LYRM4: variants seen among roughly 807,000 people sequenced by gnomAD.
LYRM4 encodes the protein LYR motif-containing protein 4.
In LYRM4, 9 loss-of-function variants were observed where a neutral mutation model predicts 11.7. That is an observed-to-expected ratio of 0.77 (90% CI 0.46 to 1.34). The LOEUF (loss-of-function observed/expected upper bound fraction) is 1.34, where lower values mean the gene tolerates loss of function less well. LYRM4 is among the 40% of genes most tolerant of loss of function. LYRM4 has a pLI of 0.00. For missense variants in LYRM4, 133 were observed against 112.5 expected, an observed-to-expected ratio of 1.18 and a Z score of -0.82; for synonymous variants, 42 against 40.4, an observed-to-expected ratio of 1.04 and a Z score of -0.15.
At chr6:5,153,123 G>A (rs1758189983) in intron 2 of LYRM4, among the ~76,000 whole-genome samples, 1 of 152,006 alleles carries the variant, frequency 6.6e-6, no homozygotes, top group African/African-American at 2.4e-5. Context: ...TGTGAGAGAG[G>A]GTCTCGTTCT....
intron 2 of LYRM4, among the ~76,000 whole-genome samples, chr6:5,196,765 C>G (rs1761078645): frequency 6.6e-6 from 1 of 152,142 alleles, no homozygotes; most frequent in Non-Finnish European, 1.5e-5. Flanking sequence ...GACAGTGACT[C>G]AATTCTTTTG....
intron 2 of LYRM4, among the ~76,000 whole-genome samples, chr6:5,152,577 C>G (rs183985994): frequency 6.6e-6 from 1 of 152,322 alleles, no homozygotes; most frequent in Non-Finnish European, 1.5e-5. Context: ...GCCCCAGCTG[C>G]GTGTCTGTCT....
the LYRM4 span, chr6:5,085,600 G>A: frequency 5.8e-6 from 9 of 1,546,834 alleles, no homozygotes; most frequent in Non-Finnish European, 7.0e-6. Context: ...GCAGGGTGGC[G>A]GCGACGGCGG....
chr6:5,230,110 C>A (rs1453589357), intron 1 of LYRM4, among the ~76,000 whole-genome samples: 1 of 152,204 alleles, frequency 6.6e-6, no homozygotes, highest in African/African-American at 2.4e-5. Flanking sequence ...GCCGCGAGGT[C>A]TCTGGCTCCT....
At chr6:5,259,096 G>A (rs1451120182) in intron 1 of LYRM4, among the ~76,000 whole-genome samples, 1 of 152,034 alleles carries the variant, frequency 6.6e-6, no homozygotes, top group Non-Finnish European at 1.5e-5. Context: ...GTTAGTCTTC[G>A]AGGGCTCCAC....
the LYRM4 span, among the ~76,000 whole-genome samples, chr6:5,093,698 C>T: frequency 6.6e-6 from 1 of 152,342 alleles, no homozygotes; most frequent in East Asian, 1.9e-4. Context: ...TGTAGGCACA[C>T]GCATGAGAGG....
rs1762291641 is a variant in LYRM4, at chr6:5,216,714, T to C, written c.111A>G (p.Arg37=). ...CATTTTTATTTTCTCTGAAGGCATC[T>C]CTTATCCTCCTGACAGCATATGTTC... ...NYRTYAVRRI[R]DAFRENKNVK... is the part of the protein sequence containing the mutation. Residue 37 remains arginine, a synonymous_variant, in exon 2 of 3, where the codon AGA becomes AGG. Coordinates refer to ENST00000330636, the MANE Select transcript of LYRM4 (RefSeq NM_020408.6). 6.2e-7 allele frequency: 1 copy of C among 1,613,576 alleles called. No homozygotes were observed. Among genetic ancestry groups the C allele is most frequent in the Non-Finnish European group, 8.5e-7 (1 of 1,179,982 alleles).
chr6:5,146,672 C>A (rs777888927), intron 2 of LYRM4, among the ~76,000 whole-genome samples: 1 of 152,202 alleles, frequency 6.6e-6, no homozygotes, highest in Non-Finnish European at 1.5e-5. Flanking sequence ...GCTACCTGTC[C>A]AGTGAACAGC....
chr6:5,199,734 C>T (rs1213446219), intron 2 of LYRM4, among the ~76,000 whole-genome samples: 1 of 152,210 alleles, frequency 6.6e-6, no homozygotes, highest in African/African-American at 2.4e-5. Context: ...GTGTTCTGGT[C>T]TGGCCAACCC....
At chr6:5,260,618 G>T (rs755274371) in intron 1 of LYRM4, 30 bp downstream of exon 1, 3 of 677,712 alleles carry the variant, frequency 4.4e-6, no homozygotes, top group Non-Finnish European at 6.3e-6. Flanking sequence ...CTGGCCCCCC[G>T]CCCCCGGCCC....
chr6:5,188,691 A>C (rs1463334493), intron 2 of LYRM4, among the ~76,000 whole-genome samples: 3 of 152,190 alleles, frequency 2.0e-5, no homozygotes, highest in African/African-American at 7.2e-5. Flanking sequence ...TGGAGGATTA[A>C]ATGAGACAGT....
At chr6:5,243,514 A>G in intron 1 of LYRM4, among the ~76,000 whole-genome samples, 1 of 152,218 alleles carries the variant, frequency 6.6e-6, no homozygotes, top group East Asian at 1.9e-4. Flanking sequence ...GAAAAAATGG[A>G]GGATACAATA....
intron 2 of LYRM4, among the ~76,000 whole-genome samples, chr6:5,140,750 T>C (rs1164124738): frequency 2.6e-5 from 4 of 152,188 alleles, no homozygotes; most frequent in Admixed American, 2.0e-4. Context: ...TGAAAAATGG[T>C]TAAGAAGGTA....
chr6:5,043,562 C>CTATA, the LYRM4 span: 2 of 152,146 alleles, frequency 1.3e-5, no homozygotes, highest in African/African-American at 4.8e-5. Flanking sequence ...TTTCTGGCGT[C>CTATA]TATAAAGTCG....
chr6:5,062,302 TTAATTAATA>T, the LYRM4 span, among the ~76,000 whole-genome samples: 5 of 135,848 alleles, frequency 3.7e-5, no homozygotes, highest in African/African-American at 1.5e-4. Context: ...ATAATACATA[TTAATTAATA>T]TATTTATAAC....
At chr6:5,143,765 TACCAGA>T (rs1757542367) in intron 2 of LYRM4, among the ~76,000 whole-genome samples, 1 of 151,386 alleles carries the variant, frequency 6.6e-6, no homozygotes, top group Admixed American at 6.6e-5. Flanking sequence ...GAACAAAAAA[TACCAGA>T]GCAAGAATTA....
At chr6:5,242,879 T>C (rs1763967461) in intron 1 of LYRM4, among the ~76,000 whole-genome samples, 1 of 149,874 alleles carries the variant, frequency 6.7e-6, no homozygotes, top group Non-Finnish European at 1.5e-5. Flanking sequence ...GTTCACGCCA[T>C]TCTCCTGCCT....
intron 2 of LYRM4, among the ~76,000 whole-genome samples, chr6:5,192,340 G>A (rs372396189): frequency 1.1e-4 from 17 of 152,216 alleles, no homozygotes; most frequent in South Asian, 6.2e-4. Context: ...TAATGTCCTC[G>A]CCTGGAGAGC....
intron 2 of LYRM4, among the ~76,000 whole-genome samples, chr6:5,144,902 G>A (rs552054167): frequency 2.6e-5 from 4 of 152,188 alleles, no homozygotes; most frequent in South Asian, 2.1e-4. Context: ...GTGCTGAGAC[G>A]CTTTGACGCG....
Sources: allele counts gnomAD v4.1 joint callset (sites outside exome capture counted in the v4.1 genomes callset), GRCh38; gene constraint gnomAD v4.1.1; transcripts MANE v1.5; gene names NCBI Gene and HGNC (gene_info 2026-07-23, HGNC 2026-07-21).